Variants in PADI1 observed in about 807,000 individuals in gnomAD.
PADI1 encodes the protein protein-arginine deiminase type-1.
Under a neutral mutation model 74.8 loss-of-function variants are expected in PADI1, and 65 were observed. The observed-to-expected ratio is 0.87, with a 90% CI of 0.71 to 1.07. The LOEUF is 1.07. Among genes scored for constraint, PADI1 ranks in the 50% least tolerant of loss-of-function variants. The probability of loss-of-function intolerance (pLI) is 0.00; values close to 1 mark genes in which losing one functional copy is unlikely to be tolerated. For missense variants in PADI1, 943 were observed against 854.0 expected, an observed-to-expected ratio of 1.10 and a Z score of -1.30; for synonymous variants, 371 against 336.2, an observed-to-expected ratio of 1.10 and a Z score of -1.13.
intron 3 of PADI1, among the ~76,000 whole-genome samples, 190 bp downstream of exon 3, chr1:17,223,883 C>G (rs1440790742): frequency 6.6e-6 from 1 of 152,226 alleles, no homozygotes; most frequent in Non-Finnish European, 1.5e-5. Flanking sequence ...TCCTTAGGAC[C>G]ACAAGGATCT....
chr1:17,232,684 A>C (rs1054441234), intron 10 of PADI1, 135 bp from the exon 11 acceptor site: 3 of 652,588 alleles, frequency 4.6e-6, no homozygotes, highest in African/African-American at 1.9e-5. Flanking sequence ...AAAAGTGGAC[A>C]GAGATCGTTT....
At position 17,226,138 on chromosome 1, in the gene PADI1, T is replaced by A. The variant is rs780118663; in HGVS notation, c.632T>A (p.Val211Glu). Residue 211 changes from valine (V) to glutamate (E), a missense_variant, in exon 6 of 16, where the codon GTG becomes GAG. By Grantham distance (121) the Val-to-Glu change is moderately radical. Transcript: ENST00000375471. ...LNVPFSDSKR[V>E]RVFCARGGNS... ...GTGCCCTTTTCTGATTCCAAAAGAG[T>A]GAGGGTCTTCTGTGCCAGGGGTGAG... 4 of 1,613,866 alleles carry A rather than the reference T, an allele frequency of 2.5e-6. No individual in the cohort carries two copies. The Admixed American group carries it at 5.0e-5, about 20-fold the overall frequency.
chr1:17,223,421 G>C (rs1431378330), intron 2 of PADI1, 200 bp from the exon 3 acceptor site: 3 of 580,124 alleles, frequency 5.2e-6, no homozygotes, highest in Non-Finnish European at 9.3e-6. Flanking sequence ...GGGAACCAAG[G>C]TGGGCTCCAC....
Position 17,238,691 on chromosome 1 carries a change from G to A in PADI1, c.1534G>A (p.Glu512Lys), listed in dbSNP as rs755235669. The A allele has an allele frequency of 1.3e-6, 2 of 1,533,792 alleles. No homozygotes were observed. Among genetic ancestry groups the A allele is most frequent in the East Asian group, 4.9e-5 (2 of 40,532 alleles). ...AGAGAAGAAAGAAGAGGGTTATGGGGAGGCAGCCCAGTTTGATGGTGAGTG... is the reference window on the plus strand; with the variant it reads ...AGAGAAGAAAGAAGAGGGTTATGGGAAGGCAGCCCAGTTTGATGGTGAGTG... ...FQEKKEEGYG[E>K]AAQFDGLKHQ... The change falls in exon 13 of 16, where the codon GAG (glutamate) becomes AAG (lysine). Residue 512 changes from glutamate to lysine, a missense_variant. Physicochemically the swap from Glu to Lys is moderately conservative, Grantham distance 56. Coordinates refer to ENST00000375471, the MANE Select transcript of PADI1 (RefSeq NM_013358.3).
At position 17,240,731 on chromosome 1, in the gene PADI1, T is replaced by G; in HGVS notation, c.1729T>G (p.Phe577Val). 2 of 1,614,040 alleles carry G rather than the reference T, an allele frequency of 1.2e-6. No individual in the cohort carries two copies. Among genetic ancestry groups the G allele is most frequent in the Non-Finnish European group, 1.7e-6 (2 of 1,179,924 alleles). Reference sequence around the variant, plus strand: ...TCCCCAGCTCTTCTTCCTGAAAAACTTCTACGCGGAAGCCTTCTTCCCAGA... The same window carrying G: ...TCCCCAGCTCTTCTTCCTGAAAAACGTCTACGCGGAAGCCTTCTTCCCAGA... ...DIPQLFFLKNFYAEAFFPDMV... is the reference protein window; with the variant it reads ...DIPQLFFLKNVYAEAFFPDMV... Residue 577 changes from phenylalanine to valine, a missense_variant, in exon 15 of 16, where the codon TTC becomes GTC. Phe to Val is a conservative substitution (Grantham distance 50). Transcript: ENST00000375471.
At chr1:17,236,857 G>A (rs2072654912) in intron 11 of PADI1, among the ~76,000 whole-genome samples, 1 of 152,228 alleles carries the variant, frequency 6.6e-6, no homozygotes, top group South Asian at 2.1e-4. Context: ...AGTTAAAGAT[G>A]TGGCTACTTA....
rs200337349 is a variant in PADI1 at position 17,226,089 on chromosome 1, G to A, written c.583G>A (p.Asp195Asn). 6 of 1,614,040 alleles carry A rather than the reference G, an allele frequency of 3.7e-6. No individual in the cohort carries two copies. Among genetic ancestry groups the A allele is most frequent in the South Asian group, 1.1e-5 (1 of 91,078 alleles). Residue 195 changes from aspartate to asparagine, a missense_variant, in exon 6 of 16, where the codon GAC becomes AAC. Transcript: ENST00000375471. ...LSCNGPDKLF[D>N]SHKLVLNVPF... ...CTGCAATGGCCCCGACAAGCTCTTC[G>A]ACAGCCACAAGCTTGTCTTGAACGT...
chr1:17,209,323 C>G (rs1171095652), intron 1 of PADI1, among the ~76,000 whole-genome samples: 1 of 152,122 alleles, frequency 6.6e-6, no homozygotes. Context: ...CACTATTCAC[C>G]AGAAGAGACA....
At position 17,222,918 on chromosome 1, in the gene PADI1, A is replaced by C. The variant is rs2100449263; in HGVS notation, c.273+448A>C. On this transcript the variant is annotated intron_variant, in intron 2 of 15. Transcript: ENST00000375471. ...ACCTTCTCTCTCATCGCCTGCCCGA[A>C]GCTCAGACGAGTCCCTCCTCACTCG... Among the ~76,000 whole-genome samples the C allele has an allele frequency of 1.3e-5, 2 of 151,598 alleles. 1 individual carries two copies. Among genetic ancestry groups the C allele is most frequent in the South Asian group, 4.2e-4 (2 of 4,802 alleles).
At chr1:17,223,302 T>C (rs975052016) in intron 2 of PADI1, among the ~76,000 whole-genome samples, 1 of 152,178 alleles carries the variant, frequency 6.6e-6, no homozygotes, top group Non-Finnish European at 1.5e-5. Flanking sequence ...CCTAAGTCGA[T>C]GGAGCCGGCT....
chr1:17,243,762 T>G (rs2072823666), intron 15 of PADI1, among the ~76,000 whole-genome samples: 1 of 152,212 alleles, frequency 6.6e-6, no homozygotes. Context: ...TTTTTGTTTT[T>G]GTTTTTTAAT....
intron 7 of PADI1, 74 bp downstream of exon 7, chr1:17,228,871 G>A: frequency 5.0e-6 from 8 of 1,591,978 alleles, no homozygotes; most frequent in South Asian, 2.2e-5. Flanking sequence ...CCAGGGCTGG[G>A]CAGGCTGGGG....
chr1:17,212,458 C>T (rs1266371259), intron 1 of PADI1, among the ~76,000 whole-genome samples: 9 of 147,858 alleles, frequency 6.1e-5, no homozygotes, highest in South Asian at 2.1e-4. Context: ...CAGTTTCTGC[C>T]CCCAGGATCT....
In PADI1 at chr1:17,227,965, T is replaced by C. The variant is rs911996868; in HGVS notation, c.653-660T>C. On this transcript the variant is annotated intron_variant, in intron 6 of 15. Transcript: ENST00000375471. ...GCATAATGTCTTCAAGGTTCATCCA[T>C]GGTGTAGCATGAATCAGTGCTTCAT... 2.0e-5 allele frequency among the ~76,000 whole-genome samples: 3 copies of C among 152,344 alleles called. No homozygotes were observed. In the East Asian group the frequency reaches 5.8e-4, roughly 29 times the overall value.
chr1:17,226,155 A>C lies in PADI1; in HGVS notation c.649A>C (p.Arg217=). Residue 217 remains arginine, a synonymous_variant, in exon 6 of 16, where the codon AGG becomes CGG. Transcript: ENST00000375471. ...DSKRVRVFCA[R]GGNSLSDYKQ... ...CAAAAGAGTGAGGGTCTTCTGTGCC[A>C]GGGGTGAGTGGCCTGATGGGGCCTT... 3.7e-6 allele frequency: 6 copies of C among 1,614,102 alleles called. No individual in the cohort carries two copies. Among genetic ancestry groups the C allele is most frequent in the Non-Finnish European group, 5.1e-6 (6 of 1,179,976 alleles).
intron 15 of PADI1, among the ~76,000 whole-genome samples, chr1:17,241,039 G>A (rs976872794): frequency 1.3e-5 from 2 of 152,096 alleles, no homozygotes; most frequent in Non-Finnish European, 1.5e-5. Context: ...AGGATGCCCC[G>A]CCACAAAGCA....
At chr1:17,226,514 C>A (rs1446828579) in intron 6 of PADI1, among the ~76,000 whole-genome samples, 1 of 152,200 alleles carries the variant, frequency 6.6e-6, no homozygotes, top group Admixed American at 6.5e-5. Flanking sequence ...GCATGCCAAG[C>A]ACTGTCCAGG....
At chr1:17,235,849 C>T (rs1249815236) in intron 11 of PADI1, among the ~76,000 whole-genome samples, 1 of 152,184 alleles carries the variant, frequency 6.6e-6, no homozygotes, top group African/African-American at 2.4e-5. Context: ...CAGGAACCTT[C>T]TCTCAAGGGT....
At chr1:17,216,330 G>T (rs74058973) in intron 1 of PADI1, among the ~76,000 whole-genome samples, 10 of 152,150 alleles carry the variant, frequency 6.6e-5, no homozygotes, top group Admixed American at 2.0e-4. Flanking sequence ...TGGTGGCTTG[G>T]ACAGGATGTG....
Sources: gnomAD v4.1 joint callset for allele counts (sites outside exome capture counted in the v4.1 genomes callset) on GRCh38, gnomAD v4.1.1 for gene constraint, MANE v1.5 for transcripts, NCBI Gene and HGNC (gene_info 2026-07-23, HGNC 2026-07-21) for gene names.